The following SUGCT variants were observed in gnomAD, a reference collection of about 807,000 sequenced individuals.
SUGCT encodes succinyl-CoA:glutarate-CoA transferase.
In SUGCT, 41 loss-of-function variants were observed where a neutral mutation model predicts 55.0. That is an observed-to-expected ratio of 0.74 (90% confidence interval 0.58 to 0.97). The LOEUF (loss-of-function observed/expected upper bound fraction) is 0.97, where lower values mean the gene tolerates loss of function less well. Among genes scored for constraint, SUGCT ranks in the 50% least tolerant of loss-of-function variants. The pLI, the probability that SUGCT is intolerant of heterozygous loss-of-function variation, is 0.00. For synonymous variants in SUGCT, 187 were observed against 200.4 expected (o/e 0.93, Z 0.56); for missense variants, 568 against 547.8 (o/e 1.04, Z -0.37).
At chr7:40,366,806 C>A in intron 9 of SUGCT, among the ~76,000 whole-genome samples, 1 of 152,098 alleles carries the variant, frequency 6.6e-6, no homozygotes, top group Non-Finnish European at 1.5e-5. Flanking sequence ...AACACTTTTA[C>A]ACTGTTGGTG....
At chr7:40,823,348 G>T (rs1225396960) in intron 13 of SUGCT, among the ~76,000 whole-genome samples, 2 of 152,074 alleles carry the variant, frequency 1.3e-5, no homozygotes, top group Admixed American at 1.3e-4. Flanking sequence ...CTTAGGTTAA[G>T]ACTGTCTCTA....
intron 10 of SUGCT, among the ~76,000 whole-genome samples, 179 bp downstream of exon 10, chr7:40,449,537 G>A (rs1222995117): frequency 3.3e-5 from 5 of 152,100 alleles, no homozygotes; most frequent in African/African-American, 9.7e-5. Context: ...TGTGGTATTT[G>A]GCTGTATTTT....
the SUGCT span, among the ~76,000 whole-genome samples, chr7:40,953,194 C>G: frequency 1.3e-5 from 2 of 152,188 alleles, no homozygotes; most frequent in South Asian, 4.1e-4. Flanking sequence ...CGCTTCATTT[C>G]ATTCATTTGA....
chr7:40,706,735 C>T (rs989309016), intron 12 of SUGCT, among the ~76,000 whole-genome samples: 8 of 152,270 alleles, frequency 5.3e-5, no homozygotes, highest in South Asian at 2.1e-4. Context: ...CCACTTCCAG[C>T]GAGCAGCTAT....
intron 8 of SUGCT, among the ~76,000 whole-genome samples, chr7:40,301,147 G>A (rs1794514535): frequency 6.6e-6 from 1 of 152,036 alleles, no homozygotes; most frequent in Admixed American, 6.6e-5. Flanking sequence ...ATAGTGTTTA[G>A]TGTGTGTCTT....
chr7:40,339,239 C>G (rs962955138), intron 9 of SUGCT, among the ~76,000 whole-genome samples: 4 of 152,166 alleles, frequency 2.6e-5, no homozygotes, highest in African/African-American at 9.7e-5. Flanking sequence ...AGTTCTCAAA[C>G]TCTGTGTTGG....
chr7:40,499,688 A>C (rs1048694205), intron 12 of SUGCT, among the ~76,000 whole-genome samples: 5 of 152,192 alleles, frequency 3.3e-5, no homozygotes, highest in African/African-American at 1.2e-4. Flanking sequence ...TGTCTTTCTC[A>C]ATGACAAATT....
At chr7:40,264,114 C>G (rs1305508487) in intron 7 of SUGCT, among the ~76,000 whole-genome samples, 1 of 152,114 alleles carries the variant, frequency 6.6e-6, no homozygotes, top group African/African-American at 2.4e-5. Flanking sequence ...CTTATTAGGG[C>G]TCTGTTTGTC....
intron 8 of SUGCT, among the ~76,000 whole-genome samples, chr7:40,311,077 G>A (rs915367117): frequency 4.6e-5 from 7 of 152,018 alleles, no homozygotes; most frequent in African/African-American, 1.7e-4. Flanking sequence ...CCTGATTTCC[G>A]TTTTTCTGTT....
At chr7:40,811,503 T>G (rs1016176698) in intron 13 of SUGCT, among the ~76,000 whole-genome samples, 2 of 152,130 alleles carry the variant, frequency 1.3e-5, no homozygotes, top group Non-Finnish European at 2.9e-5. Context: ...GATGTAGTCT[T>G]GGGTATTTTG....
chr7:40,774,339 G>A (rs1406641041), intron 13 of SUGCT, among the ~76,000 whole-genome samples: 1 of 152,122 alleles, frequency 6.6e-6, no homozygotes, highest in Non-Finnish European at 1.5e-5. Context: ...TGAAATATTT[G>A]CTGTAATTTA....
At chr7:40,899,278 A>G in the SUGCT span, among the ~76,000 whole-genome samples, 1 of 152,068 alleles carries the variant, frequency 6.6e-6, no homozygotes, top group African/African-American at 2.4e-5. Context: ...TTCTCTGCGT[A>G]TCTGACTCAG....
chr7:40,903,101 G>T, the SUGCT span, among the ~76,000 whole-genome samples: 1 of 150,470 alleles, frequency 6.6e-6, no homozygotes, highest in Non-Finnish European at 1.5e-5. Context: ...GTGCGATCTC[G>T]GCTCACTGCA....
At chr7:40,194,850 C>G in intron 5 of SUGCT, 90 bp from the exon 6 acceptor site, 1 of 1,431,592 alleles carries the variant, frequency 7.0e-7, no homozygotes, top group Non-Finnish European at 9.3e-7. Flanking sequence ...TGAGCTATTA[C>G]AAAGGGAGAA....
At chr7:40,168,227 C>A (rs1961617) in intron 1 of SUGCT, among the ~76,000 whole-genome samples, 2,863 of 152,212 alleles carry the variant, frequency 0.019, 46 homozygotes, top group Non-Finnish European at 0.028. Context: ...TCTCTCAGTA[C>A]CCCCCAACAG....
chr7:40,435,564 A>G (rs954125879), intron 9 of SUGCT, among the ~76,000 whole-genome samples: 1 of 152,170 alleles, frequency 6.6e-6, no homozygotes, highest in African/African-American at 2.4e-5. Context: ...TTAACTAACT[A>G]GCATCTTGAA....
Position 40,416,054 on chromosome 7 carries a change from T to G in SUGCT, c.817-33233T>G, listed in dbSNP as rs1029509850. Among the ~76,000 whole-genome samples, 29 of 152,196 alleles carry G rather than the reference T, an allele frequency of 1.9e-4. 1 individual carries two copies. Among genetic ancestry groups the G allele is most frequent in the Admixed American group, 1.6e-3 (24 of 15,290 alleles). The stretch of plus-strand genomic sequence containing the variant: ...TGAAGCATATACTTTTTGGAGGATT[T>G]TTGTTTATAATACTTTGGCATGAAG... On this transcript the variant is annotated intron_variant, in intron 9 of 13. Coordinates refer to ENST00000335693, the MANE Select transcript of SUGCT (RefSeq NM_001193313.2).
At chr7:40,947,826 A>G in the SUGCT span, among the ~76,000 whole-genome samples, 1 of 152,166 alleles carries the variant, frequency 6.6e-6, no homozygotes, top group African/African-American at 2.4e-5. Context: ...GTGCTAAGGG[A>G]TATCTTCAAT....
At chr7:40,515,858 A>G (rs988567479) in intron 12 of SUGCT, among the ~76,000 whole-genome samples, 14 of 152,358 alleles carry the variant, frequency 9.2e-5, no homozygotes, top group African/African-American at 3.4e-4. Flanking sequence ...GGGGCATATG[A>G]TAACTCTATG....
Sources: allele counts gnomAD v4.1 joint callset (sites outside exome capture counted in the v4.1 genomes callset), GRCh38; gene constraint gnomAD v4.1.1; transcripts MANE v1.5; gene names NCBI Gene and HGNC (gene_info 2026-07-23, HGNC 2026-07-21).